The following SPAG16 variants were observed in gnomAD, a reference collection of about 807,000 sequenced individuals.
The protein encoded by SPAG16 is sperm-associated antigen 16 protein.
Under a neutral mutation model 80.4 loss-of-function variants are expected in SPAG16, and 86 were observed. The ratio of observed to expected loss-of-function variants is 1.07; its 90% CI spans 0.90 to 1.28. The LOEUF is 1.28. Among genes scored for constraint, SPAG16 ranks in the 50% most tolerant of loss-of-function variants. The pLI, the probability that SPAG16 is intolerant of heterozygous loss-of-function variation, is 0.00. For missense variants in SPAG16, 870 were observed against 765.3 expected, an observed-to-expected ratio of 1.14 and a Z score of -1.61; for synonymous variants, 294 against 265.9, an observed-to-expected ratio of 1.11 and a Z score of -1.03.
chr2:214,257,880 T>C (rs1009804088), intron 15 of SPAG16, among the ~76,000 whole-genome samples: 2 of 152,112 alleles, frequency 1.3e-5, no homozygotes, highest in Non-Finnish European at 2.9e-5. Flanking sequence ...TTTGGATTGA[T>C]GCTATTTCTT....
rs559586881 is a variant in SPAG16 at position 214,111,920 on chromosome 2, C to T, written c.1593+3659C>T. Among the ~76,000 whole-genome samples, 60 of 152,044 alleles carry T rather than the reference C, an allele frequency of 3.9e-4. 1 individual carries two copies. In the South Asian group the frequency reaches 0.012, roughly 30 times the overall value. ...GGGAGCTCATTCATGATTTGGTTTC[C>T]TGTTTGTCTGTTATTGGTGTATAGG... On this transcript the variant is annotated intron_variant, in intron 14 of 15. Coordinates refer to ENST00000331683, the MANE Select transcript of SPAG16 (RefSeq NM_024532.5).
At chr2:213,819,012 T>C (rs2072758863) in intron 10 of SPAG16, among the ~76,000 whole-genome samples, 1 of 151,626 alleles carries the variant, frequency 6.6e-6, no homozygotes, top group African/African-American at 2.4e-5. Context: ...TGACTAAGTA[T>C]TAAAAGTGTA....
chr2:213,295,798 A>T (rs1409432544), intron 1 of SPAG16, among the ~76,000 whole-genome samples: 1 of 152,160 alleles, frequency 6.6e-6, no homozygotes, highest in African/African-American at 2.4e-5. Flanking sequence ...TGAAATCATT[A>T]GATAGATAGT....
intron 10 of SPAG16, among the ~76,000 whole-genome samples, chr2:213,492,504 C>G (rs753094027): frequency 2.0e-5 from 3 of 151,878 alleles, no homozygotes; most frequent in Non-Finnish European, 4.4e-5. Flanking sequence ...GAGCCAAGAT[C>G]GTGCCACTGC....
chr2:214,222,806 T>TA (rs1224175040), intron 15 of SPAG16, among the ~76,000 whole-genome samples: 3 of 152,208 alleles, frequency 2.0e-5, no homozygotes, highest in African/African-American at 7.2e-5. Context: ...TGGGAGCTTC[T>TA]ATAAAATGCT....
chr2:213,740,457 C>G (rs1159292959), intron 10 of SPAG16, among the ~76,000 whole-genome samples: 1 of 152,196 alleles, frequency 6.6e-6, no homozygotes, highest in Non-Finnish European at 1.5e-5. Flanking sequence ...AGTGAAGGCT[C>G]TGCCTGTAAA....
At chr2:213,642,162 G>C (rs2062617125) in intron 10 of SPAG16, among the ~76,000 whole-genome samples, 1 of 152,144 alleles carries the variant, frequency 6.6e-6, no homozygotes, top group Non-Finnish European at 1.5e-5. Flanking sequence ...CTCGCACTTT[G>C]GGAACGCACA....
At chr2:214,334,613 C>T (rs1313839859) in intron 15 of SPAG16, among the ~76,000 whole-genome samples, 1 of 152,136 alleles carries the variant, frequency 6.6e-6, no homozygotes. Context: ...GATTAGTTAC[C>T]CTCAGCCTTT....
chr2:213,299,462 T>C (rs1200774059), intron 3 of SPAG16, among the ~76,000 whole-genome samples: 1 of 151,192 alleles, frequency 6.6e-6, no homozygotes, highest in Admixed American at 6.6e-5. Context: ...GTATTTTTAG[T>C]AGAGACGGGG....
chr2:214,296,397 G>T (rs1169586471), intron 15 of SPAG16, among the ~76,000 whole-genome samples: 1 of 152,072 alleles, frequency 6.6e-6, no homozygotes, highest in Non-Finnish European at 1.5e-5. Flanking sequence ...CTTTTCCTTT[G>T]GGTAGATAGC....
At position 213,819,941 on chromosome 2, in the gene SPAG16, GT is replaced by G. The variant is rs71063785; in HGVS notation, c.1071-42527del. The stretch of plus-strand genomic sequence containing the variant: ...CCGGCTAATTTTTCTAATTTTTCGT[GT>G]TTTTTTTTTTTTTTTTAGTAGAGAC... On this transcript the variant is annotated intron_variant, in intron 10 of 15. Transcript: ENST00000331683. 1.5e-3 allele frequency among the ~76,000 whole-genome samples: 202 copies of G among 132,108 alleles called. 2 individuals are homozygous for G. The highest frequency in any genetic ancestry group is 3.1e-3 in the African/African-American group (108 of 34,492). The allele number at this position is 132,108 out of a possible 152,430, so 86.7% of individuals were successfully genotyped here.
At chr2:214,118,062 G>A (rs985057959) in intron 14 of SPAG16, among the ~76,000 whole-genome samples, 1 of 152,104 alleles carries the variant, frequency 6.6e-6, no homozygotes, top group Non-Finnish European at 1.5e-5. Context: ...AAGACAAATT[G>A]TCTCTTTTTA....
chr2:214,257,839 G>T (rs1358967646), intron 15 of SPAG16, among the ~76,000 whole-genome samples: 1 of 152,074 alleles, frequency 6.6e-6, no homozygotes. Flanking sequence ...CAACTGGGAA[G>T]TGTTCTCACT....
intron 10 of SPAG16, among the ~76,000 whole-genome samples, chr2:213,703,119 A>C (rs1294036145): frequency 1.3e-5 from 2 of 152,170 alleles, no homozygotes; most frequent in Non-Finnish European, 2.9e-5. Context: ...TCCTGTGATA[A>C]TAGACATAGT....
At chr2:213,955,389 A>T (rs1559626618) in intron 12 of SPAG16, among the ~76,000 whole-genome samples, 1 of 152,190 alleles carries the variant, frequency 6.6e-6, no homozygotes, top group Admixed American at 6.5e-5. Flanking sequence ...ATTCTTTTAC[A>T]TGTGGATGTT....
chr2:213,973,075 T>C (rs982901980), intron 12 of SPAG16, among the ~76,000 whole-genome samples: 2 of 152,082 alleles, frequency 1.3e-5, no homozygotes, highest in Admixed American at 1.3e-4. Context: ...CAGTTAAAGC[T>C]CTGGCCCAAC....
At chr2:214,291,470 TA>T (rs1412884369) in intron 15 of SPAG16, among the ~76,000 whole-genome samples, 1 of 150,960 alleles carries the variant, frequency 6.6e-6, no homozygotes, top group African/African-American at 2.4e-5. Context: ...TACGCCCAGC[TA>T]ATTTTTTGTA....
At chr2:213,308,149 A>G (rs545093004) in intron 3 of SPAG16, among the ~76,000 whole-genome samples, 104 of 152,204 alleles carry the variant, frequency 6.8e-4, no homozygotes, top group African/African-American at 2.1e-3. Context: ...TTATTTTTTT[A>G]ATTTTATTTT....
intron 10 of SPAG16, among the ~76,000 whole-genome samples, chr2:213,762,151 G>C (rs994237159): frequency 6.6e-6 from 1 of 152,178 alleles, no homozygotes; most frequent in African/African-American, 2.4e-5. Flanking sequence ...AAAATGCTTA[G>C]AGTAGTCAAA....
Sources: gnomAD v4.1 joint callset for allele counts (sites outside exome capture counted in the v4.1 genomes callset) on GRCh38, gnomAD v4.1.1 for gene constraint, MANE v1.5 for transcripts, NCBI Gene and HGNC (gene_info 2026-07-23, HGNC 2026-07-21) for gene names.